Variants in EPM2A observed in about 807,000 individuals in gnomAD.
EPM2A encodes laforin.
A neutral mutation model predicts 26.5 loss-of-function variants in EPM2A; 21 were observed. The observed-to-expected ratio is 0.79, with a 90% CI of 0.56 to 1.14. The LOEUF (loss-of-function observed/expected upper bound fraction) is 1.14. Among genes scored for constraint, EPM2A ranks in the 50% most tolerant of loss-of-function variants. The pLI, the probability that EPM2A is intolerant of heterozygous loss-of-function variation, is 0.00. For missense variants in EPM2A, 458 were observed against 440.8 expected (o/e 1.04, Z -0.35); for synonymous variants, 217 against 177.6 (o/e 1.22, Z -1.76).
intron 2 of EPM2A, among the ~76,000 whole-genome samples, chr6:145,511,110 CAATCAGAAAAGGCCCTGGACCAA>C (rs556836896): frequency 2.0e-5 from 3 of 151,560 alleles, no homozygotes; most frequent in South Asian, 2.1e-4. Flanking sequence ...AAACACCTAC[CAATCAGAAAAGGCCCTGGACCAA>C]AATCAGAAAA....
chr6:145,689,248 T>C (rs1781124825), intron 1 of EPM2A, among the ~76,000 whole-genome samples: 1 of 152,200 alleles, frequency 6.6e-6, no homozygotes. Context: ...AAATGTCTTT[T>C]AGAGGATGGG....
intron 4 of EPM2A, among the ~76,000 whole-genome samples, chr6:145,447,160 A>G (rs957303362): frequency 6.6e-6 from 1 of 152,166 alleles, no homozygotes; most frequent in African/African-American, 2.4e-5. Context: ...AAGATACTCA[A>G]TAAATATTTC....
chr6:145,623,052 A>G (rs2128554143), downstream of EPM2A, among the ~76,000 whole-genome samples: 1 of 152,348 alleles, frequency 6.6e-6, no homozygotes, highest in South Asian at 2.1e-4. Context: ...CATGTGAAGC[A>G]CTTAGACAAT....
At chr6:145,707,164 G>A (rs1782269428) in intron 1 of EPM2A, among the ~76,000 whole-genome samples, 1 of 152,162 alleles carries the variant, frequency 6.6e-6, no homozygotes, top group Non-Finnish European at 1.5e-5. Flanking sequence ...TTTTGTTATA[G>A]CAGCCTGAAA....
intron 4 of EPM2A, chr6:145,490,243 T>G (rs1178578262): frequency 1.6e-6 from 2 of 1,253,010 alleles, no homozygotes; most frequent in East Asian, 4.7e-5. Flanking sequence ...ACAAGTCACA[T>G]AAAGAACAAT....
chr6:145,633,551 T>C (rs1293388406), intron 3 of EPM2A, among the ~76,000 whole-genome samples: 2 of 152,192 alleles, frequency 1.3e-5, no homozygotes, highest in Non-Finnish European at 1.5e-5. Flanking sequence ...CCATCCCCAA[T>C]GGCAATTCAG....
intron 2 of EPM2A, among the ~76,000 whole-genome samples, chr6:145,660,994 G>A (rs893372138): frequency 2.6e-5 from 4 of 151,986 alleles, no homozygotes; most frequent in African/African-American, 9.7e-5. Flanking sequence ...AGGGGAAAGG[G>A]CACTAAAATA....
chr6:145,667,128 C>CA (rs1274300750), intron 2 of EPM2A, among the ~76,000 whole-genome samples: 2 of 114,506 alleles, frequency 1.7e-5, no homozygotes, highest in African/African-American at 8.2e-5. Context: ...TCCAAAACAC[C>CA]AAAAGCAATG....
chr6:145,421,798 A>G (rs1778787568), intron 4 of EPM2A, among the ~76,000 whole-genome samples: 2 of 151,668 alleles, frequency 1.3e-5, no homozygotes, highest in Admixed American at 1.3e-4. Context: ...CAGGCTTTCA[A>G]CAAGATGATT....
chr6:145,640,384 T>A (rs531111048), intron 2 of EPM2A: 2 of 151,972 alleles, frequency 1.3e-5, no homozygotes, highest in Non-Finnish European at 2.9e-5. Flanking sequence ...TTTGTGTCCA[T>A]CGAAAGAAAA....
rs569059666 is a variant in EPM2A at position 145,387,130 on chromosome 6, G to A, written c.556-3033C>T. Among the ~76,000 whole-genome samples the A allele has an allele frequency of 5.3e-5, 8 of 152,194 alleles. No individual in the cohort carries two copies. The South Asian group carries it at 1.7e-3, about 32-fold the overall frequency. Reference sequence around the variant, plus strand: ...TTTCCTTTTATAAAGTAGAAAATTTGTGATTGGGAACTATGAGAAACAGAC... The same window carrying A: ...TTTCCTTTTATAAAGTAGAAAATTTATGATTGGGAACTATGAGAAACAGAC... On this transcript the variant is annotated intron_variant, in intron 4 of 4. Transcript: ENST00000638717.
intron 4 of EPM2A, among the ~76,000 whole-genome samples, chr6:145,485,887 T>C (rs1296588256): frequency 6.6e-6 from 1 of 152,182 alleles, no homozygotes; most frequent in Non-Finnish European, 1.5e-5. Context: ...GGATTCCCCT[T>C]ATAAAACCAT....
chr6:145,383,457 C>G (rs1321896240), exon 5 of EPM2A: 1 of 152,168 alleles, frequency 6.6e-6, no homozygotes, highest in African/African-American at 2.4e-5. Flanking sequence ...AACTTTTGAT[C>G]ATGGTGGAAG....
intron 2 of EPM2A, among the ~76,000 whole-genome samples, chr6:145,507,100 T>C (rs1259877655): frequency 6.6e-6 from 1 of 152,202 alleles, no homozygotes; most frequent in Non-Finnish European, 1.5e-5. Context: ...GATGAGATTT[T>C]AAATCACAAG....
At chr6:145,587,336 G>T (rs942954650) in intron 2 of EPM2A, among the ~76,000 whole-genome samples, 18 of 152,106 alleles carry the variant, frequency 1.2e-4, no homozygotes, top group Non-Finnish European at 2.9e-5. Flanking sequence ...GAACTCTGTT[G>T]CAAATGGTTC....
intron 4 of EPM2A, among the ~76,000 whole-genome samples, chr6:145,397,929 C>A (rs1778428266): frequency 6.6e-6 from 1 of 152,092 alleles, no homozygotes; most frequent in Non-Finnish European, 1.5e-5. Context: ...CTGAACCAGG[C>A]CTGTACTGAG....
intron 2 of EPM2A, among the ~76,000 whole-genome samples, chr6:145,663,320 G>T (rs377290730): frequency 6.6e-6 from 1 of 152,198 alleles, no homozygotes; most frequent in Non-Finnish European, 1.5e-5. Context: ...CAGAAGACGG[G>T]TGATTTCTGC....
Position 145,686,235 on chromosome 6 carries a change from C to T in EPM2A, c.363G>A (p.Val121=), listed in dbSNP as rs546283760. 3 of 1,613,770 alleles carry T rather than the reference C, an allele frequency of 1.9e-6. No homozygotes were observed. Among genetic ancestry groups the T allele is most frequent in the African/African-American group, 2.7e-5 (2 of 75,006 alleles). Residue 121 remains valine (V), a synonymous_variant, in exon 2 of 4, where the codon GTG becomes GTA. Coordinates refer to ENST00000367519, the MANE Select transcript of EPM2A (RefSeq NM_005670.4). The part of the protein sequence containing the change: ...TYNENNLVDG[V]YCLPIGHWIE... Reference sequence around the variant, plus strand: ...TCCAGTGTCCTATTGGGAGACAATACACACCATCCACCAAGTTGTTTTCAT... The same window carrying T: ...TCCAGTGTCCTATTGGGAGACAATATACACCATCCACCAAGTTGTTTTCAT...
chr6:145,706,802 T>A lies in EPM2A; in HGVS notation c.302-20506A>T, dbSNP rs141962741. On this transcript the variant is annotated intron_variant, in intron 1 of 3. Transcript: ENST00000367519. ...ATGTTTAAGAATTATATAATAAATA[T>A]AAATTATTTGAAGAGGCCACTTGCT... 5.2e-3 allele frequency among the ~76,000 whole-genome samples: 785 copies of A among 152,306 alleles called. 7 individuals carry two copies. Among genetic ancestry groups the A allele is most frequent in the African/African-American group, 0.018 (748 of 41,584 alleles).
Sources: gnomAD v4.1 joint callset for allele counts (sites outside exome capture counted in the v4.1 genomes callset) on GRCh38, gnomAD v4.1.1 for gene constraint, MANE v1.5 for transcripts, NCBI Gene and HGNC (gene_info 2026-07-23, HGNC 2026-07-21) for gene names.